Variants in CLASP1 observed in about 807,000 individuals in gnomAD.
CLASP1 encodes CLIP-associating protein 1.
CLASP1 carries 38 observed loss-of-function variants against 192.3 expected under a neutral mutation model. The ratio of observed to expected loss-of-function variants is 0.20; its 90% CI spans 0.15 to 0.26. The LOEUF (loss-of-function observed/expected upper bound fraction) is 0.26. Among genes scored for constraint, CLASP1 ranks in the 10% least tolerant of loss-of-function variants. The pLI is 1.00. For synonymous variants in CLASP1, 691 were observed against 712.8 expected (o/e 0.97, Z 0.49); for missense variants, 1,433 against 1,932.5 (o/e 0.74, Z 4.85).
At chr2:121,593,548 G>A (rs2062681635) in intron 2 of CLASP1, among the ~76,000 whole-genome samples, 1 of 150,628 alleles carries the variant, frequency 6.6e-6, no homozygotes. Context: ...GATCCGGGGA[G>A]GCGGAAGTTG....
At chr2:121,460,918 G>A (rs1300619311) in intron 11 of CLASP1, among the ~76,000 whole-genome samples, 183 bp downstream of exon 11, 1 of 152,094 alleles carries the variant, frequency 6.6e-6, no homozygotes, top group Non-Finnish European at 1.5e-5. Flanking sequence ...GTAAGTTGGT[G>A]TGTTTTCAAA....
chr2:121,404,188 A>G (rs2076562314), intron 26 of CLASP1, 183 bp downstream of exon 27: 1 of 709,884 alleles, frequency 1.4e-6, no homozygotes, highest in East Asian at 1.3e-4. Context: ...AATTTTATGC[A>G]CATTTAAGTT....
rs765249981 is a variant in CLASP1 at position 121,414,492 on chromosome 2, G to A, written c.2321-3523C>T. Among the ~76,000 whole-genome samples, 66 of 152,032 alleles carry A rather than the reference G, an allele frequency of 4.3e-4. 1 individual carries two copies. Among genetic ancestry groups the A allele is most frequent in the Non-Finnish European group, 7.8e-4 (53 of 68,026 alleles). The stretch of plus-strand genomic sequence containing the variant: ...ACTCGGACTCCAGGGTTATATTCAC[G>A]CCATGAAGCCTCTATCAGCCAGTAT... On this transcript the variant is annotated intron_variant, in intron 23 of 39. Transcript: ENST00000263710.
intron 10 of CLASP1, among the ~76,000 whole-genome samples, chr2:121,461,593 CT>C (rs2087964563): frequency 6.6e-6 from 1 of 152,110 alleles, no homozygotes; most frequent in Non-Finnish European, 1.5e-5. Flanking sequence ...CACATCTTAC[CT>C]AGAAAACAGG....
chr2:121,454,158 C>A (rs147000252), intron 14 of CLASP1, among the ~76,000 whole-genome samples: 2 of 151,958 alleles, frequency 1.3e-5, no homozygotes, highest in Non-Finnish European at 2.9e-5. Flanking sequence ...GCCCACCCCC[C>A]CCTCCAAAAT....
At chr2:121,373,062 C>T (rs1008931982) in intron 34 of CLASP1, among the ~76,000 whole-genome samples, 3 of 152,202 alleles carry the variant, frequency 2.0e-5, no homozygotes, top group Non-Finnish European at 4.4e-5. Context: ...TCTGTGTACT[C>T]ACCCAAATCT....
intron 1 of CLASP1, among the ~76,000 whole-genome samples, chr2:121,622,179 G>A (rs1180034769): frequency 1.3e-5 from 2 of 152,002 alleles, no homozygotes; most frequent in Non-Finnish European, 2.9e-5. Context: ...AATCTATATG[G>A]GGAATATTAC....
intron 33 of CLASP1, among the ~76,000 whole-genome samples, chr2:121,378,590 T>C (rs1002230804): frequency 1.3e-5 from 2 of 151,946 alleles, no homozygotes; most frequent in Admixed American, 1.3e-4. Flanking sequence ...GATGGATATA[T>C]CAGCATAAAG....
chr2:121,598,673 A>G (rs563766474), intron 2 of CLASP1, among the ~76,000 whole-genome samples: 1 of 152,298 alleles, frequency 6.6e-6, no homozygotes, highest in Non-Finnish European at 1.5e-5. Flanking sequence ...AAAAATTAGG[A>G]TACCACTATC....
rs1164293134 is a variant in CLASP1, at chr2:121,582,326, GGAGA to G, written c.195+23371_195+23374del. ...AAGGGAGAGAGAGAGAAAGAGAAAG[GGAGA>G]GAGAGAGAAAGAGGAGGAGAGAGAG... On this transcript the variant is annotated intron_variant, in intron 2 of 39. Transcript: ENST00000263710. Among the ~76,000 whole-genome samples the G allele has an allele frequency of 2.8e-5, 4 of 142,834 alleles. No individual in the cohort carries two copies. In the South Asian group the frequency reaches 6.8e-4, roughly 24 times the overall value. The allele number at this position is 142,834 out of a possible 152,430, so 93.7% of individuals were successfully genotyped here.
At chr2:121,399,317 C>A (rs1409015640) in intron 28 of CLASP1, among the ~76,000 whole-genome samples, 1 of 152,106 alleles carries the variant, frequency 6.6e-6, no homozygotes, top group Non-Finnish European at 1.5e-5. Flanking sequence ...TCCAATAATA[C>A]CCTGGAATCT....
chr2:121,583,131 G>A (rs972965380), intron 2 of CLASP1, among the ~76,000 whole-genome samples: 2 of 152,126 alleles, frequency 1.3e-5, no homozygotes, highest in African/African-American at 2.4e-5. Context: ...CCAGTGCCCA[G>A]TTACTATAAG....
At chr2:121,600,750 C>T (rs1256918590) in intron 2 of CLASP1, among the ~76,000 whole-genome samples, 14 of 152,198 alleles carry the variant, frequency 9.2e-5, no homozygotes, top group Non-Finnish European at 1.5e-5. Context: ...ATTTAACATC[C>T]ATGCTACCCC....
At chr2:121,446,683 C>T (rs914880803) in intron 19 of CLASP1, among the ~76,000 whole-genome samples, 4 of 152,138 alleles carry the variant, frequency 2.6e-5, no homozygotes, top group East Asian at 3.9e-4. Context: ...TATGAATAGT[C>T]GATCTATCAC....
At chr2:121,381,347 G>C (rs2071607863) in intron 33 of CLASP1, among the ~76,000 whole-genome samples, 1 of 151,208 alleles carries the variant, frequency 6.6e-6, no homozygotes, top group South Asian at 2.1e-4. Context: ...CTCTATTATA[G>C]AGGATAGAAA....
intron 1 of CLASP1, among the ~76,000 whole-genome samples, chr2:121,625,470 T>C (rs914991848): frequency 1.3e-5 from 2 of 148,290 alleles, no homozygotes; most frequent in Non-Finnish European, 3.0e-5. Flanking sequence ...AGTCTCGCTC[T>C]GTTATCCAGG....
chr2:121,567,473 C>G (rs1382364891), intron 2 of CLASP1, among the ~76,000 whole-genome samples: 1 of 152,230 alleles, frequency 6.6e-6, no homozygotes, highest in African/African-American at 2.4e-5. Context: ...CTTATAAGAT[C>G]CAGCTCCAGG....
At chr2:121,407,950 G>A in intron 24 of CLASP1, 4 of 625,200 alleles carry the variant, frequency 6.4e-6, no homozygotes, top group South Asian at 6.0e-5. Context: ...CTCTAGTAAA[G>A]TGCGTAGACT....
At chr2:121,465,457 T>C (rs939926919) in intron 9 of CLASP1, among the ~76,000 whole-genome samples, 6 of 152,212 alleles carry the variant, frequency 3.9e-5, no homozygotes, top group African/African-American at 1.2e-4. Flanking sequence ...GGAATCCAAC[T>C]TAAAAGGGAT....
Sources: gnomAD v4.1 joint callset for allele counts (sites outside exome capture counted in the v4.1 genomes callset) on GRCh38, gnomAD v4.1.1 for gene constraint, MANE v1.5 for transcripts, NCBI Gene and HGNC (gene_info 2026-07-23, HGNC 2026-07-21) for gene names.